Variants in DPH6 observed in about 807,000 individuals in gnomAD.
DPH6 encodes diphthine--ammonia ligase.
DPH6 carries 33 observed loss-of-function variants against 38.2 expected under a neutral mutation model. That is an observed-to-expected ratio of 0.86 (90% CI 0.65 to 1.15). DPH6 has a LOEUF of 1.15. Ranked by LOEUF, DPH6 falls within the 50% of genes most tolerant of loss-of-function variation. The pLI is 0.00. For synonymous variants in DPH6, 108 were observed against 103.0 expected, an observed-to-expected ratio of 1.05 and a Z score of -0.30; for missense variants, 325 against 320.0, an observed-to-expected ratio of 1.02 and a Z score of -0.12.
intron 3 of DPH6, among the ~76,000 whole-genome samples, chr15:35,241,477 C>CT (rs1410058066): frequency 7.0e-6 from 1 of 143,310 alleles, no homozygotes; most frequent in Non-Finnish European, 1.5e-5. Context: ...CCAACTTAGA[C>CT]AACACTCTTT....
chr15:35,467,374 G>A (rs1047333720), intron 3 of DPH6, among the ~76,000 whole-genome samples: 2 of 152,154 alleles, frequency 1.3e-5, no homozygotes, highest in African/African-American at 4.8e-5. Context: ...AGACCAGCCT[G>A]GCCAACATGG....
chr15:35,526,153 T>C lies in DPH6; in HGVS notation c.312+12121A>G, dbSNP rs117892913. Among the ~76,000 whole-genome samples the C allele has an allele frequency of 3.3e-5, 5 of 152,322 alleles. No individual in the cohort carries two copies. The East Asian group carries it at 5.8e-4, about 18-fold the overall frequency. ...CAAAGGGAAGATCATGGGTTATTTA[T>C]CAAATGATCATTGTTCTCCCTCCCT... is the stretch of plus-strand genomic sequence containing the variant. On this transcript the variant is annotated intron_variant, in intron 3 of 8. Coordinates refer to ENST00000256538, the MANE Select transcript of DPH6 (RefSeq NM_080650.4).
intron 5 of DPH6, among the ~76,000 whole-genome samples, chr15:35,441,518 G>A (rs1390177497): frequency 6.6e-6 from 1 of 152,202 alleles, no homozygotes; most frequent in East Asian, 1.9e-4. Context: ...CAGGGACATG[G>A]ATGAAGCTGG....
intron 3 of DPH6, among the ~76,000 whole-genome samples, chr15:35,535,386 A>G (rs561169781): frequency 1.3e-5 from 2 of 152,334 alleles, no homozygotes; most frequent in Admixed American, 6.5e-5. Context: ...TCAAAATGGA[A>G]AGATTCCAAA....
At chr15:35,540,412 G>C (rs1891356308) in intron 2 of DPH6, among the ~76,000 whole-genome samples, 1 of 151,962 alleles carries the variant, frequency 6.6e-6, no homozygotes, top group Non-Finnish European at 1.5e-5. Flanking sequence ...CTGGACATTG[G>C]AGTCATCTCT....
At chr15:35,167,576 A>ATT in the DPH6 span, among the ~76,000 whole-genome samples, 20 of 145,268 alleles carry the variant, frequency 1.4e-4, no homozygotes, top group Admixed American at 4.8e-4. Flanking sequence ...TTTTTTTAAA[A>ATT]AAAAAAAAAA....
At chr15:35,520,956 T>C (rs1319577871) in intron 3 of DPH6, 3 of 985,068 alleles carry the variant, frequency 3.0e-6, no homozygotes, top group Non-Finnish European at 1.2e-6. Context: ...GAAATCAAAG[T>C]GCAGAACTGT....
intron 3 of DPH6, among the ~76,000 whole-genome samples, chr15:35,263,249 C>A (rs751636816): frequency 4.6e-5 from 7 of 152,180 alleles, no homozygotes; most frequent in East Asian, 3.9e-4. Flanking sequence ...ATCTTCACAA[C>A]CCTCCAGTGA....
intron 3 of DPH6, among the ~76,000 whole-genome samples, chr15:35,312,291 A>C (rs2052150087): frequency 6.6e-6 from 1 of 152,222 alleles, no homozygotes; most frequent in East Asian, 1.9e-4. Context: ...GGGTATAATA[A>C]GGTAGGCAGA....
the DPH6 span, among the ~76,000 whole-genome samples, chr15:35,178,593 A>G: frequency 0.029 from 4,349 of 152,336 alleles, 282 homozygotes; most frequent in East Asian, 0.3. Context: ...GAGAGGACAC[A>G]GCCAAACCAT....
In DPH6 at chr15:35,389,802, C is replaced by T. The variant is rs2053027758; in HGVS notation, c.568-7886G>A. Among the ~76,000 whole-genome samples, 8 of 152,142 alleles carry T rather than the reference C, an allele frequency of 5.3e-5. 1 individual carries two copies. In the South Asian group the frequency reaches 1.7e-3, roughly 32 times the overall value. ...GGTCTTGACTCTTTATCCAATTTGC[C>T]AGTCTGTGCCTTTTAATTGGAGCAT... On this transcript the variant is annotated intron_variant, in intron 6 of 8. Coordinates refer to ENST00000256538, the MANE Select transcript of DPH6 (RefSeq NM_080650.4).
chr15:35,245,621 C>G (rs1305337182), intron 3 of DPH6, among the ~76,000 whole-genome samples: 1 of 152,156 alleles, frequency 6.6e-6, no homozygotes, highest in Non-Finnish European at 1.5e-5. Context: ...AAAGCATTAT[C>G]TAAGACAAGG....
intron 3 of DPH6, among the ~76,000 whole-genome samples, chr15:35,250,111 G>GAGCTTGCA (rs2051662546): frequency 1.3e-5 from 2 of 152,052 alleles, no homozygotes; most frequent in Non-Finnish European, 2.9e-5. Flanking sequence ...CCGGGAGGCA[G>GAGCTTGCA]AGCTTGCAGT....
chr15:35,269,369 C>T (rs762457994), intron 3 of DPH6, among the ~76,000 whole-genome samples: 40 of 152,170 alleles, frequency 2.6e-4, no homozygotes, highest in Non-Finnish European at 4.7e-4. Context: ...AATGCAACCC[C>T]AGAAATCCTT....
At chr15:35,323,539 G>A (rs989387425) in intron 3 of DPH6, among the ~76,000 whole-genome samples, 2 of 152,238 alleles carry the variant, frequency 1.3e-5, no homozygotes, top group Admixed American at 1.3e-4. Context: ...TTCCAAAACA[G>A]TGCAGTTGCC....
At chr15:35,462,881 C>T (rs1385977723) in intron 3 of DPH6, among the ~76,000 whole-genome samples, 2 of 152,016 alleles carry the variant, frequency 1.3e-5, no homozygotes, top group Non-Finnish European at 2.9e-5. Context: ...CATAAAATTA[C>T]AGTATTTCTG....
chr15:35,332,808 G>C (rs1158675622), intron 3 of DPH6, among the ~76,000 whole-genome samples: 1 of 151,976 alleles, frequency 6.6e-6, no homozygotes, highest in African/African-American at 2.4e-5. Context: ...GTCATAACAA[G>C]TTTGTAATTG....
Position 35,387,594 on chromosome 15 carries a change from G to C in DPH6, c.568-5678C>G, listed in dbSNP as rs563893127. Among the ~76,000 whole-genome samples the C allele has an allele frequency of 1.1e-4, 17 of 152,074 alleles. No individual in the cohort carries two copies. In the South Asian group the frequency reaches 1.7e-3, roughly 15 times the overall value. On this transcript the variant is annotated intron_variant, in intron 6 of 8. Transcript: ENST00000256538. ...GTTGGATTCCTAGGTATTTTCTTCT[G>C]TTTGAAGCAATTGTGAATGGCAGTT... is the stretch of plus-strand genomic sequence containing the variant.
At chr15:35,262,699 C>A (rs1298515431) in intron 3 of DPH6, among the ~76,000 whole-genome samples, 7 of 109,470 alleles carry the variant, frequency 6.4e-5, no homozygotes, top group African/African-American at 3.5e-4. Context: ...GAGCAAGACT[C>A]CGTCTCAAAA....
Sources: allele counts gnomAD v4.1 joint callset (sites outside exome capture counted in the v4.1 genomes callset), GRCh38; gene constraint gnomAD v4.1.1; transcripts MANE v1.5; gene names NCBI Gene and HGNC (gene_info 2026-07-23, HGNC 2026-07-21).